KDM2B: variants seen among roughly 807,000 people sequenced by gnomAD.
KDM2B encodes lysine demethylase 2B.
Under a neutral mutation model 150.0 loss-of-function variants are expected in KDM2B, and 26 were observed. That is an observed-to-expected ratio of 0.17 (90% CI 0.13 to 0.24). KDM2B has a LOEUF of 0.24. Ranked by LOEUF, KDM2B falls within the 10% of genes least tolerant of loss-of-function variation. KDM2B has a pLI of 1.00. For synonymous variants in KDM2B, 734 were observed against 729.5 expected, an observed-to-expected ratio of 1.01 and a Z score of -0.10; for missense variants, 1,265 against 1,816.9, an observed-to-expected ratio of 0.70 and a Z score of 5.52.
chr12:121,541,186 C>G (rs1008307406), intron 6 of KDM2B, among the ~76,000 whole-genome samples: 1 of 151,280 alleles, frequency 6.6e-6, no homozygotes, highest in South Asian at 2.1e-4. Context: ...GAGCAGAGCT[C>G]GCACCATTGC....
Position 121,492,497 on chromosome 12 carries a change from G to A in KDM2B, c.1734+2082C>T, listed in dbSNP as rs782457330. Among the ~76,000 whole-genome samples the A allele has an allele frequency of 4.6e-5, 7 of 151,232 alleles. No homozygotes were observed. In the East Asian group the frequency reaches 8.0e-4, roughly 17 times the overall value. The stretch of plus-strand genomic sequence containing the variant: ...TAATTTTTGTATTTTTAGTAGAGAC[G>A]GAGTTTCGCCATGTTGGCCAGGCTA... On this transcript the variant is annotated intron_variant, in intron 12 of 22. Transcript: ENST00000377071.
intron 4 of KDM2B, among the ~76,000 whole-genome samples, chr12:121,554,404 A>T (rs1373470003): frequency 6.8e-6 from 1 of 146,356 alleles, no homozygotes; most frequent in Non-Finnish European, 1.5e-5. Flanking sequence ...CCTTTGTAAC[A>T]TACTTTTTTT....
intron 8 of KDM2B, among the ~76,000 whole-genome samples, chr12:121,525,713 G>C (rs1327500028): frequency 6.6e-6 from 1 of 152,156 alleles, no homozygotes; most frequent in Non-Finnish European, 1.5e-5. Context: ...CCATTTGATA[G>C]ATGGATCGTC....
chr12:121,564,443 G>A (rs1253073587), intron 4 of KDM2B, among the ~76,000 whole-genome samples: 2 of 151,992 alleles, frequency 1.3e-5, no homozygotes, highest in Non-Finnish European at 2.9e-5. Context: ...GGGCAACAGA[G>A]CGAGAATCCG....
chr12:121,447,013 A>G (rs1436169677), intron 13 of KDM2B, among the ~76,000 whole-genome samples: 2 of 152,246 alleles, frequency 1.3e-5, no homozygotes, highest in African/African-American at 4.8e-5. Flanking sequence ...TAACAGTGTG[A>G]ACAGCTCATT....
chr12:121,461,127 G>A (rs1295094015), intron 12 of KDM2B, among the ~76,000 whole-genome samples: 1 of 152,186 alleles, frequency 6.6e-6, no homozygotes, highest in East Asian at 1.9e-4. Flanking sequence ...CATAGGAGGT[G>A]GTGACTAAGG....
chr12:121,418,566 T>C, the KDM2B span: 1 of 152,368 alleles, frequency 6.6e-6, no homozygotes, highest in Non-Finnish European at 1.5e-5. Context: ...TTATTAAAAG[T>C]AGAGGAAAGC....
At chr12:121,522,446 T>TG (rs1391597452) in intron 8 of KDM2B, among the ~76,000 whole-genome samples, 1 of 146,404 alleles carries the variant, frequency 6.8e-6, no homozygotes, top group African/African-American at 2.6e-5. Flanking sequence ...ACCCGGAAGG[T>TG]GAGGTTGCAG....
chr12:121,419,578 G>GGGT, the KDM2B span, among the ~76,000 whole-genome samples: 1 of 151,964 alleles, frequency 6.6e-6, no homozygotes, highest in Non-Finnish European at 1.5e-5. Flanking sequence ...CTGGCAATCA[G>GGGT]GGTGGAATAT....
intron 4 of KDM2B, among the ~76,000 whole-genome samples, chr12:121,564,572 CA>C (rs34079109): frequency 6.6e-6 from 1 of 152,002 alleles, no homozygotes; most frequent in Non-Finnish European, 1.5e-5. Flanking sequence ...TAACAAACCC[CA>C]AAAATCAAAT....
intron 4 of KDM2B, among the ~76,000 whole-genome samples, chr12:121,573,570 C>T (rs111254044): frequency 3.5e-4 from 53 of 150,452 alleles, no homozygotes; most frequent in African/African-American, 1.0e-3. Flanking sequence ...CCACCACCCT[C>T]GGCCTACTGT....
Position 121,467,469 on chromosome 12 carries a change from C to A in KDM2B, c.1735-14125G>T, listed in dbSNP as rs1246045855. 3.7e-6 allele frequency: 2 copies of A among 543,634 alleles called. No homozygotes were observed. The highest frequency in any genetic ancestry group is 4.7e-6 in the Non-Finnish European group (2 of 429,002). 33.7% of individuals were successfully genotyped at this position (543,634 alleles called of 1,614,324 possible). A position where few individuals can be genotyped will look rare whatever the true frequency, so the allele number is the denominator to read the frequency against. On this transcript the variant is annotated intron_variant, in intron 12 of 22. Coordinates refer to ENST00000377071, the MANE Select transcript of KDM2B (RefSeq NM_032590.5). The surrounding 1 kb of genome is among the most constrained non-coding windows in gnomAD (Gnocchi z 5.1). ...GGAAGGGGCTGGCCCCCCGGGCGGG[C>A]GGGCCAATGGCGCGGCCGCGGCGCT...
chr12:121,530,054 G>A (rs558799482), intron 8 of KDM2B, among the ~76,000 whole-genome samples: 3 of 149,236 alleles, frequency 2.0e-5, no homozygotes, highest in Non-Finnish European at 4.5e-5. Flanking sequence ...CAGTGAAAAC[G>A]TGTCTCTACT....
At chr12:121,477,990 G>A (rs1464551686) in intron 12 of KDM2B, among the ~76,000 whole-genome samples, 2 of 151,920 alleles carry the variant, frequency 1.3e-5, no homozygotes, top group Non-Finnish European at 2.9e-5. Context: ...GGATCCTCCC[G>A]TCTCAGCCTC....
chr12:121,479,821 C>T (rs1881887251), intron 12 of KDM2B, among the ~76,000 whole-genome samples: 1 of 151,782 alleles, frequency 6.6e-6, no homozygotes, highest in East Asian at 1.9e-4. Flanking sequence ...AGGGTTTCAC[C>T]ATGTTGGCCA....
At chr12:121,556,696 CA>C (rs1488294478) in intron 4 of KDM2B, among the ~76,000 whole-genome samples, 1 of 151,882 alleles carries the variant, frequency 6.6e-6, no homozygotes, top group African/African-American at 2.4e-5. Flanking sequence ...ACTAAAAATA[CA>C]AAAATTGAGC....
At chr12:121,423,069 T>C in the KDM2B span, among the ~76,000 whole-genome samples, 1 of 152,234 alleles carries the variant, frequency 6.6e-6, no homozygotes, top group Non-Finnish European at 1.5e-5. This position sits in a 1 kb window ranked among gnomAD's most constrained non-coding sequence, Gnocchi z 4.3. Context: ...CTTTTTCTAG[T>C]TACAGAAGTA....
chr12:121,505,587 T>C (rs1323644459), intron 11 of KDM2B, among the ~76,000 whole-genome samples: 1 of 152,058 alleles, frequency 6.6e-6, no homozygotes, highest in Non-Finnish European at 1.5e-5. Context: ...CAAATGGGTT[T>C]TTAGTATAAG....
In KDM2B at chr12:121,537,992, G is replaced by A. The variant is rs1233476678; in HGVS notation, c.684-3402C>T. On this transcript the variant is annotated intron_variant, in intron 6 of 22. Coordinates refer to ENST00000377071, the MANE Select transcript of KDM2B (RefSeq NM_032590.5). The surrounding 1 kb of genome is among the most constrained non-coding windows in gnomAD (Gnocchi z 8.7). The stretch of plus-strand genomic sequence containing the variant: ...CTTCGGCTGCGGAGGCTCGACGCGC[G>A]CCCGGCCCCACTCCCGGCGGCAACG... Among the ~76,000 whole-genome samples, 1 of 150,426 alleles carries A rather than the reference G, an allele frequency of 6.6e-6. No individual in the cohort carries two copies. Among genetic ancestry groups the A allele is most frequent in the East Asian group, 2.0e-4 (1 of 5,120 alleles).
Sources: allele counts gnomAD v4.1 joint callset (sites outside exome capture counted in the v4.1 genomes callset), GRCh38; gene constraint gnomAD v4.1.1; non-coding constraint Gnocchi (gnomAD v3.1); transcripts MANE v1.5; gene names NCBI Gene and HGNC (gene_info 2026-07-23, HGNC 2026-07-21).